SURF1: variants seen among roughly 807,000 people sequenced by gnomAD.
SURF1 encodes the protein SURF1 cytochrome c oxidase assembly factor.
SURF1 carries 45 observed loss-of-function variants against 34.1 expected under a neutral mutation model. That is an observed-to-expected ratio of 1.32 (90% CI 1.04 to 1.69). SURF1 has a LOEUF of 1.69. Ranked by LOEUF, SURF1 falls within the 40% of genes most tolerant of loss-of-function variation. The pLI, the probability that SURF1 is intolerant of heterozygous loss-of-function variation, is 0.00. For synonymous variants in SURF1, 188 were observed against 147.5 expected, an observed-to-expected ratio of 1.27 and a Z score of -1.99; for missense variants, 456 against 384.6, an observed-to-expected ratio of 1.19 and a Z score of -1.55.
intron 2 of SURF1, among the ~76,000 whole-genome samples, chr9:133,355,415 C>CA (rs2130021652): frequency 6.6e-6 from 1 of 152,010 alleles, no homozygotes; most frequent in African/African-American, 2.4e-5. Flanking sequence ...CCCATCTCTA[C>CA]AAAAAAATGC....
At position 133,354,982 on chromosome 9, in the gene SURF1, T is replaced by A. The variant is rs113443524; in HGVS notation, c.107-25A>T. ...CCTGGAGAGTTTCACAACACTGACA[T>A]GGAGCCAGAAGCCCTCGAACACAGA... On this transcript the variant is annotated intron_variant, in intron 2 of 8. Coordinates refer to ENST00000371974, the MANE Select transcript of SURF1 (RefSeq NM_003172.4). 4.3e-5 allele frequency: 70 copies of A among 1,611,992 alleles called. 1 individual carries two copies. In the African/African-American group the frequency reaches 7.2e-4, roughly 17 times the overall value.
chr9:133,352,738 C>T lies in SURF1; in HGVS notation c.544G>A (p.Val182Ile), dbSNP rs2130009729. 89 of 1,612,490 alleles carry T rather than the reference C, an allele frequency of 5.5e-5. 1 individual carries two copies. The South Asian group carries it at 9.2e-4, about 17-fold the overall frequency. Residue 182 changes from valine to isoleucine, a missense_variant, in exon 6 of 9, where the codon GTT (valine) becomes ATT (isoleucine). Transcript: ENST00000371974. ...TCAGGATTCACTTTCTTCCTGGGAA[C>T]GAACCCTCTATTTACCAGGATGGTG... ...GVTILVNRGF[V>I]PRKKVNPETR...
At chr9:133,354,572 CA>C in intron 4 of SURF1, 86 bp downstream of exon 4, 1 of 1,536,472 alleles carries the variant, frequency 6.5e-7, no homozygotes, top group Non-Finnish European at 9.0e-7. Context: ...AAAGTCCCAC[CA>C]AAAGGGGCAA....
At position 133,353,496 on chromosome 9, in the gene SURF1, CCT is replaced by C. The variant is rs2130013385; in HGVS notation, c.515+251_515+252del. ...TAGACAGTTCTCCAGAGGCAGGGCC[CCT>C]GTTTCACGAATCCCTCCTTTCCCTT... On this transcript the variant is annotated intron_variant, in intron 5 of 8. Coordinates refer to ENST00000371974, the MANE Select transcript of SURF1 (RefSeq NM_003172.4). 7.9e-5 allele frequency among the ~76,000 whole-genome samples: 12 copies of C among 152,262 alleles called. No homozygotes were observed. In the East Asian group the frequency reaches 2.1e-3, roughly 27 times the overall value.
intron 2 of SURF1, 36 bp downstream of exon 2, chr9:133,356,233 A>G (rs2130024616): frequency 1.3e-6 from 2 of 1,533,540 alleles, no homozygotes; most frequent in Non-Finnish European, 1.7e-6. Flanking sequence ...GGCTCTGCCC[A>G]GGCGCCTGGA....
At chr9:133,355,000 A>AAC in intron 2 of SURF1, 43 bp from the exon 3 acceptor site, 1 of 1,609,730 alleles carries the variant, frequency 6.2e-7, no homozygotes. Flanking sequence ...GAAGCCCTCG[A>AAC]ACACAGACCT....
chr9:133,354,064 T>C (rs1038453273), intron 4 of SURF1, 124 bp from the exon 5 acceptor site: 11 of 1,087,530 alleles, frequency 1.0e-5, no homozygotes, highest in Admixed American at 9.1e-5. Flanking sequence ...GGCGTGCTCT[T>C]CAAAGGGGAA....
chr9:133,354,540 C>A (rs2130017245), intron 4 of SURF1, 119 bp downstream of exon 4: 28 of 1,206,296 alleles, frequency 2.3e-5, no homozygotes, highest in Non-Finnish European at 3.2e-5. Context: ...AGAGCTCCCA[C>A]CTGAGGTCAA....
chr9:133,354,548 C>A, intron 4 of SURF1, 111 bp downstream of exon 4: 1 of 1,290,410 alleles, frequency 7.7e-7, no homozygotes, highest in South Asian at 1.2e-5. Context: ...CACCTGAGGT[C>A]AAGGCAGTGA....
intron 2 of SURF1, among the ~76,000 whole-genome samples, chr9:133,355,808 G>C (rs1266313569): frequency 1.3e-5 from 2 of 151,948 alleles, no homozygotes; most frequent in East Asian, 3.9e-4. Flanking sequence ...GGGCCTTGCG[G>C]ATACTATTTT....
In SURF1 at chr9:133,353,880, A is replaced by G. The variant is rs2130015095; in HGVS notation, c.384T>C (p.His128=). ...GGGGCATCATATACAGCTCCTTGGA[A>G]TGGTCAAAGCACCCCCTGACCTTCA... ...RPVKVRGCFD[H]SKELYMMPRT... is the part of the protein sequence containing the mutation. The change falls in exon 5 of 9, where the codon CAT becomes CAC. Residue 128 remains histidine (H), a synonymous_variant. Coordinates refer to ENST00000371974, the MANE Select transcript of SURF1 (RefSeq NM_003172.4). 10 of 1,613,756 alleles carry G rather than the reference A, an allele frequency of 6.2e-6. No individual in the cohort carries two copies. In the East Asian group the frequency reaches 2.2e-4, roughly 36 times the overall value.
chr9:133,353,855 G>A lies in SURF1; in HGVS notation c.409C>T (p.Arg137Trp), dbSNP rs2130015004. ...TCCCGGACAGGGTCCACCATGGTCC[G>A]GGGCATCATATACAGCTCCTTGGAA... ...DHSKELYMMPRTMVDPVREAR... is the reference protein window; with the variant it reads ...DHSKELYMMPWTMVDPVREAR... Residue 137 changes from arginine (R) to tryptophan (W), a missense_variant, in exon 5 of 9, where the codon CGG becomes TGG. Physicochemically the swap from Arg to Trp is moderately radical, Grantham distance 101 (BLOSUM62 -3). Coordinates refer to ENST00000371974, the MANE Select transcript of SURF1 (RefSeq NM_003172.4). 4.2e-5 allele frequency: 67 copies of A among 1,613,860 alleles called. 1 individual carries two copies. Among genetic ancestry groups the A allele is most frequent in the South Asian group, 1.1e-4 (10 of 91,090 alleles).
In SURF1 at chr9:133,353,914, T is replaced by A. The variant is rs145615218; in HGVS notation, c.350A>T (p.Tyr117Phe). 1 of 1,613,782 alleles carries A rather than the reference T, an allele frequency of 6.2e-7. No homozygotes were observed. Among genetic ancestry groups the A allele is most frequent in the African/African-American group, 1.3e-5 (1 of 74,936 alleles). The change falls in exon 5 of 9, where the codon TAT becomes TTT. Residue 117 changes from tyrosine (Y) to phenylalanine (F), a missense_variant. Coordinates refer to ENST00000371974, the MANE Select transcript of SURF1 (RefSeq NM_003172.4). ...ADPMELKNLE[Y>F]RPVKVRGCFD... ...GCACCCCCTGACCTTCACTGGCCTA[T>A]ACTCCAGATTTTTCAGTTCCATTGG...
At chr9:133,355,095 C>G (rs1201697193) in intron 2 of SURF1, 138 bp from the exon 3 acceptor site, 1 of 1,136,044 alleles carries the variant, frequency 8.8e-7, no homozygotes, top group Non-Finnish European at 1.3e-6. Flanking sequence ...GTATCCAGCC[C>G]AGCTCCTAAC....
In SURF1 at chr9:133,354,834, C is replaced by T. The variant is rs2130019020; in HGVS notation, c.230G>A (p.Gly77Glu). The T allele has an allele frequency of 6.2e-7, 1 of 1,613,854 alleles. No homozygotes were observed. The highest frequency in any genetic ancestry group is 8.5e-7 in the Non-Finnish European group (1 of 1,180,036). The stretch of plus-strand genomic sequence containing the variant: ...GATGCCGGTCTTTACCTGCCATGTC[C>T]CCAAGCCAAAGGCAGTCACAGGGAT... Reference protein sequence around the residue: ...LLIPVTAFGLGTWQVQRRKWK... With the variant: ...LLIPVTAFGLETWQVQRRKWK... Residue 77 changes from glycine to glutamate, a missense_variant, in exon 3 of 9, where the codon GGG (glycine) becomes GAG (glutamate). Transcript: ENST00000371974.
chr9:133,354,523 GATA>G, intron 4 of SURF1, 133 bp downstream of exon 4: 2 of 1,051,706 alleles, frequency 1.9e-6, no homozygotes, highest in Non-Finnish European at 3.0e-6. Flanking sequence ...ACAGATGACT[GATA>G]ATGAGAGCTC....
chr9:133,352,885 G>T (rs1836470750), intron 5 of SURF1, 119 bp from the exon 6 acceptor site: 1 of 1,177,988 alleles, frequency 8.5e-7, no homozygotes, highest in Non-Finnish European at 1.2e-6. Context: ...TTAAAACAGG[G>T]CTGGCTCAGT....
At position 133,352,754 on chromosome 9, in the gene SURF1, C is replaced by T. The variant is rs2130009954; in HGVS notation, c.528G>A (p.Leu176=). ...FHCTDLGVTI[L]VNRGFVPRKK... is the part of the protein sequence containing the mutation. ...TCCTGGGAACGAACCCTCTATTTAC[C>T]AGGATGGTGACTCTAGGGTAATGAA... The change falls in exon 6 of 9, where the codon CTG becomes CTA. Residue 176 remains leucine, a synonymous_variant. Transcript: ENST00000371974. The T allele has an allele frequency of 4.3e-6, 7 of 1,611,562 alleles. No homozygotes were observed. The highest frequency in any genetic ancestry group is 5.9e-6 in the Non-Finnish European group (7 of 1,179,270).
At position 133,351,828 on chromosome 9, in the gene SURF1, C is replaced by A; in HGVS notation, c.*85G>T. 1 of 1,465,300 alleles carries A rather than the reference C, an allele frequency of 6.8e-7. No individual in the cohort carries two copies. Among genetic ancestry groups the A allele is most frequent in the Non-Finnish European group, 9.4e-7 (1 of 1,063,372 alleles). 90.8% of individuals were successfully genotyped at this position (1,465,300 alleles called of 1,614,324 possible). On this transcript the variant is annotated 3_prime_UTR_variant, in exon 9 of 9. Coordinates refer to ENST00000371974, the MANE Select transcript of SURF1 (RefSeq NM_003172.4). ...GCTCATTTAAGGTAGAAGGCCAGAA[C>A]TTTATACCAGTAGCACATGATCCAG...
Sources: allele counts gnomAD v4.1 joint callset (sites outside exome capture counted in the v4.1 genomes callset), GRCh38; gene constraint gnomAD v4.1.1; transcripts MANE v1.5; gene names NCBI Gene and HGNC (gene_info 2026-07-23, HGNC 2026-07-21).